Variants in CTNNA3 observed in about 807,000 individuals in gnomAD.
CTNNA3 encodes the protein catenin alpha 3, also known as catenin alpha-3.
A neutral mutation model predicts 95.7 loss-of-function variants in CTNNA3; 76 were observed. The ratio of observed to expected loss-of-function variants is 0.79; its 90% CI spans 0.66 to 0.96. The LOEUF is 0.96. Ranked by LOEUF, CTNNA3 falls within the 40% of genes least tolerant of loss-of-function variation. The pLI is 0.00. For synonymous variants in CTNNA3, 431 were observed against 374.4 expected (o/e 1.15, Z -1.74); for missense variants, 1,191 against 1,089.8 (o/e 1.09, Z -1.31).
intron 11 of CTNNA3, among the ~76,000 whole-genome samples, chr10:66,499,871 C>G (rs1312010136): frequency 3.3e-5 from 5 of 150,520 alleles, no homozygotes; most frequent in Non-Finnish European, 7.4e-5. Context: ...GGCACGATCT[C>G]CGCTCACTGC....
At chr10:67,398,815 G>A (rs1353479398) in intron 5 of CTNNA3, among the ~76,000 whole-genome samples, 2 of 152,068 alleles carry the variant, frequency 1.3e-5, no homozygotes, top group African/African-American at 4.8e-5. Flanking sequence ...GGTTTTATAA[G>A]GGGCTTTTCC....
At chr10:66,978,061 T>A (rs1207191936) in intron 7 of CTNNA3, among the ~76,000 whole-genome samples, 1 of 19,722 alleles carries the variant, frequency 5.1e-5, no homozygotes, top group Non-Finnish European at 1.5e-4. Flanking sequence ...CACATATATA[T>A]ATATATACAC....
At chr10:66,908,921 G>A (rs1393613960) in intron 7 of CTNNA3, among the ~76,000 whole-genome samples, 1 of 152,162 alleles carries the variant, frequency 6.6e-6, no homozygotes, top group Non-Finnish European at 1.5e-5. Flanking sequence ...CACCTAGAAT[G>A]GGAAGTAGCA....
Position 67,061,878 on chromosome 10 carries a change from T to C in CTNNA3, c.1047+118439A>G, listed in dbSNP as rs372766216. Among the ~76,000 whole-genome samples the C allele has an allele frequency of 4.6e-5, 7 of 152,274 alleles. No homozygotes were observed. The East Asian group carries it at 1.4e-3, about 29-fold the overall frequency. Reference sequence around the variant, plus strand: ...ATTACTGATAAAGAATCAAGTTATGTTCTAGATTCATGCAGAGTTTTATAG... The same window carrying C: ...ATTACTGATAAAGAATCAAGTTATGCTCTAGATTCATGCAGAGTTTTATAG... On this transcript the variant is annotated intron_variant, in intron 7 of 17. Coordinates refer to ENST00000433211, the MANE Select transcript of CTNNA3 (RefSeq NM_013266.4).
chr10:67,746,470 G>A (rs1005482188), intron 1 of CTNNA3, among the ~76,000 whole-genome samples: 7 of 152,140 alleles, frequency 4.6e-5, no homozygotes, highest in Non-Finnish European at 7.4e-5. Context: ...AACAGCATGC[G>A]AATCCTGCAT....
At chr10:65,928,617 C>T (rs2133133128) in intron 17 of CTNNA3, among the ~76,000 whole-genome samples, 1 of 152,226 alleles carries the variant, frequency 6.6e-6, no homozygotes, top group African/African-American at 2.4e-5. Context: ...AGTGCAGAAA[C>T]CACATGCAAA....
chr10:66,979,348 T>C (rs1850279718), intron 7 of CTNNA3, among the ~76,000 whole-genome samples: 1 of 152,138 alleles, frequency 6.6e-6, no homozygotes, highest in Non-Finnish European at 1.5e-5. Flanking sequence ...GAAAATAGTA[T>C]TCAATTGAGT....
At chr10:66,427,317 T>C (rs1589233663) in intron 11 of CTNNA3, among the ~76,000 whole-genome samples, 1 of 116,246 alleles carries the variant, frequency 8.6e-6, no homozygotes, top group East Asian at 2.5e-4. Context: ...TCTTTTAAAC[T>C]TTTTTTTTTG....
chr10:66,885,836 A>T (rs1458370497), intron 7 of CTNNA3, among the ~76,000 whole-genome samples: 1 of 152,172 alleles, frequency 6.6e-6, no homozygotes, highest in Non-Finnish European at 1.5e-5. Context: ...CATTGCAGTT[A>T]ATGCTATAAA....
At chr10:65,975,145 A>C (rs2078186417) in intron 16 of CTNNA3, among the ~76,000 whole-genome samples, 1 of 152,164 alleles carries the variant, frequency 6.6e-6, no homozygotes, top group African/African-American at 2.4e-5. Flanking sequence ...AATAATCAAC[A>C]AAGGTAGCAA....
intron 9 of CTNNA3, among the ~76,000 whole-genome samples, chr10:66,706,189 A>G (rs1360992423): frequency 6.6e-6 from 1 of 151,996 alleles, no homozygotes; most frequent in Non-Finnish European, 1.5e-5. Flanking sequence ...TCTTCAGTCT[A>G]TCCAAATAAA....
intron 9 of CTNNA3, among the ~76,000 whole-genome samples, chr10:66,635,689 A>G (rs1845309459): frequency 1.3e-5 from 2 of 152,138 alleles, no homozygotes; most frequent in African/African-American, 2.4e-5. Context: ...GAGACCATCA[A>G]TATCACCTGA....
At chr10:67,614,804 G>C (rs899045416) in intron 2 of CTNNA3, among the ~76,000 whole-genome samples, 4 of 152,178 alleles carry the variant, frequency 2.6e-5, no homozygotes, top group Non-Finnish European at 5.9e-5. Context: ...CAGTTCTGGA[G>C]GTCAGAAGTC....
rs74739793 is a variant in CTNNA3 at position 67,710,736 on chromosome 10, G to C, written c.-2+52698C>G. Among the ~76,000 whole-genome samples, 1,616 of 152,222 alleles carry C rather than the reference G, an allele frequency of 0.011. 59 individuals are homozygous for C. The East Asian group carries it at 0.13, about 12-fold the overall frequency. ...CTTTTCTTTATCTTGCCTCTTTGTG[G>C]AAAGTCTGGTTAAAATGCTATTCTA... is the stretch of plus-strand genomic sequence containing the variant. On this transcript the variant is annotated intron_variant, in intron 1 of 17. Transcript: ENST00000684154.
intron 4 of CTNNA3, among the ~76,000 whole-genome samples, chr10:67,534,274 G>C (rs1406521693): frequency 6.6e-6 from 1 of 152,122 alleles, no homozygotes; most frequent in Non-Finnish European, 1.5e-5. Context: ...TAGTAGGATT[G>C]GGGAGTGTGA....
chr10:66,553,516 T>TG (rs1842289073), intron 10 of CTNNA3, among the ~76,000 whole-genome samples: 3 of 128,960 alleles, frequency 2.3e-5, no homozygotes, highest in African/African-American at 8.4e-5. Context: ...ACAATACTTT[T>TG]CTTTTTTTTT....
intron 17 of CTNNA3, among the ~76,000 whole-genome samples, chr10:65,954,002 C>A (rs1340360753): frequency 3.3e-5 from 5 of 152,194 alleles, no homozygotes; most frequent in African/African-American, 9.6e-5. Flanking sequence ...AGTCCCACCA[C>A]CAGTGTAAAA....
intron 15 of CTNNA3, among the ~76,000 whole-genome samples, chr10:66,028,602 G>A (rs2079387979): frequency 6.7e-6 from 1 of 150,154 alleles, no homozygotes; most frequent in Non-Finnish European, 1.5e-5. Flanking sequence ...TTGTGGGGTG[G>A]GGGAAGGGGG....
chr10:66,485,995 C>A (rs1219449816), intron 11 of CTNNA3, among the ~76,000 whole-genome samples: 1 of 152,148 alleles, frequency 6.6e-6, no homozygotes, highest in Admixed American at 6.6e-5. Context: ...GTCTCTCTAA[C>A]AAATGGCACT....
Sources: allele counts gnomAD v4.1 joint callset (sites outside exome capture counted in the v4.1 genomes callset), GRCh38; gene constraint gnomAD v4.1.1; transcripts MANE v1.5; gene names NCBI Gene and HGNC (gene_info 2026-07-23, HGNC 2026-07-21).